Variants in MTCL2 observed in about 807,000 individuals in gnomAD.
MTCL2 encodes microtubule crosslinking factor 2.
At chr20:36,812,032 T>C in the MTCL2 span, among the ~76,000 whole-genome samples, 1 of 152,170 alleles carries the variant, frequency 6.6e-6, no homozygotes. Flanking sequence ...ATTCAATAAC[T>C]ACCATTCACT....
the MTCL2 span, among the ~76,000 whole-genome samples, chr20:36,852,254 G>A: frequency 6.6e-6 from 1 of 151,926 alleles, no homozygotes; most frequent in Non-Finnish European, 1.5e-5. Context: ...TCAGGCCGAG[G>A]CCTGGGCTGC....
the MTCL2 span, among the ~76,000 whole-genome samples, chr20:36,827,857 G>A: frequency 1.3e-5 from 2 of 152,298 alleles, no homozygotes; most frequent in African/African-American, 2.4e-5. Flanking sequence ...GCAGCAAGAC[G>A]GTGTGAAGAT....
chr20:36,804,841 A>C, the MTCL2 span: 3 of 1,613,868 alleles, frequency 1.9e-6, no homozygotes. Context: ...ATCCCGGAGC[A>C]GCCAGCACAG....
At chr20:36,803,224 C>G in the MTCL2 span, 1 of 1,423,066 alleles carries the variant, frequency 7.0e-7, no homozygotes, top group Non-Finnish European at 9.3e-7. Flanking sequence ...TCAGAAGACC[C>G]CTCACTAGGG....
chr20:36,816,146 G>A, the MTCL2 span: 8 of 1,613,682 alleles, frequency 5.0e-6, no homozygotes, highest in African/African-American at 1.3e-5. Context: ...CCAGCTCCTC[G>A]GCTGACAGCG....
the MTCL2 span, chr20:36,812,920 C>G: frequency 1.2e-5 from 18 of 1,515,222 alleles, no homozygotes; most frequent in African/African-American, 1.4e-5. Context: ...GAAACACCCA[C>G]CCCAGGCCTC....
the MTCL2 span, among the ~76,000 whole-genome samples, chr20:36,798,760 C>T: frequency 6.6e-6 from 1 of 152,180 alleles, no homozygotes; most frequent in African/African-American, 2.4e-5. Context: ...TCTTCCCCTT[C>T]CCCATCCTGA....
the MTCL2 span, among the ~76,000 whole-genome samples, chr20:36,836,310 G>A: frequency 0.3 from 44,595 of 150,388 alleles, 7,509 homozygotes; most frequent in Middle Eastern, 0.43. Flanking sequence ...ATATAGCTGG[G>A]ACTATAGGCA....
At chr20:36,802,774 C>T in the MTCL2 span, 1 of 1,477,694 alleles carries the variant, frequency 6.8e-7, no homozygotes, top group East Asian at 2.4e-5. Flanking sequence ...CCAGCTATAC[C>T]TGAAGGAGTT....
At chr20:36,782,291 G>A in the MTCL2 span, 1 of 152,192 alleles carries the variant, frequency 6.6e-6, no homozygotes, top group South Asian at 2.1e-4. Context: ...TTTTATGCCT[G>A]GGTTGGCCAG....
the MTCL2 span, among the ~76,000 whole-genome samples, chr20:36,795,410 T>C: frequency 2.0e-5 from 3 of 152,154 alleles, no homozygotes; most frequent in Admixed American, 2.0e-4. Flanking sequence ...CTTTCACCTA[T>C]ACACCTAAAA....
the MTCL2 span, among the ~76,000 whole-genome samples, chr20:36,834,419 C>T: frequency 6.6e-6 from 1 of 152,116 alleles, no homozygotes; most frequent in Non-Finnish European, 1.5e-5. Context: ...CCTTGGCTTC[C>T]CACAGGAGTC....
the MTCL2 span, among the ~76,000 whole-genome samples, chr20:36,854,907 T>G: frequency 1.3e-5 from 2 of 149,166 alleles, no homozygotes; most frequent in Non-Finnish European, 1.5e-5. Flanking sequence ...CAGGGAAGAG[T>G]GACACGACGC....
the MTCL2 span, chr20:36,829,142 T>A: frequency 5.0e-6 from 8 of 1,600,298 alleles, no homozygotes; most frequent in Non-Finnish European, 6.0e-6. Context: ...GTTCTCCTCC[T>A]CCAGCCGCGC....
chr20:36,788,947 C>T, the MTCL2 span, among the ~76,000 whole-genome samples: 1 of 151,980 alleles, frequency 6.6e-6, no homozygotes. Flanking sequence ...GCTGGGATTA[C>T]AGGCATGTGC....
At chr20:36,833,997 TA>T in the MTCL2 span, among the ~76,000 whole-genome samples, 1 of 151,920 alleles carries the variant, frequency 6.6e-6, no homozygotes, top group African/African-American at 2.4e-5. Flanking sequence ...ACCCCGTCTC[TA>T]CTAAAAAAAT....
the MTCL2 span, among the ~76,000 whole-genome samples, chr20:36,834,758 T>C: frequency 1.3e-5 from 2 of 152,068 alleles, no homozygotes; most frequent in South Asian, 2.1e-4. Context: ...TCCCAGCACT[T>C]TGGGAGGCCG....
At chr20:36,794,618 G>A in the MTCL2 span, 2 of 1,613,990 alleles carry the variant, frequency 1.2e-6, no homozygotes, top group South Asian at 2.2e-5. The surrounding 1 kb of genome is among the most constrained non-coding windows in gnomAD (Gnocchi z 5.4). Flanking sequence ...GACAGAGGAG[G>A]AAACGTCGTT....
At chr20:36,783,904 A>T in the MTCL2 span, 1 of 985,318 alleles carries the variant, frequency 1.0e-6, no homozygotes, top group Non-Finnish European at 1.2e-6. Flanking sequence ...TTTCAACCCC[A>T]TCCAGCCCCA....
Sources: gnomAD v4.1 joint callset for allele counts (sites outside exome capture counted in the v4.1 genomes callset) on GRCh38, gnomAD v4.1.1 for gene constraint, Gnocchi (gnomAD v3.1) non-coding constraint, MANE v1.5 for transcripts, NCBI Gene and HGNC (gene_info 2026-07-23, HGNC 2026-07-21) for gene names.